The following SLC12A2 variants were observed in gnomAD, a reference collection of about 807,000 sequenced individuals.
SLC12A2 encodes Na-K-2Cl cotransporter 1.
Under a neutral mutation model 136.3 loss-of-function variants are expected in SLC12A2, and 67 were observed. That is an observed-to-expected ratio of 0.49 (90% CI 0.40 to 0.60). The LOEUF is 0.60. SLC12A2 is among the 20% of genes least tolerant of loss of function. The pLI is 0.00. For missense variants in SLC12A2, 1,322 were observed against 1,534.7 expected (o/e 0.86, Z 2.32); for synonymous variants, 619 against 562.9 (o/e 1.10, Z -1.41).
chr5:128,158,818 G>A lies in SLC12A2; in HGVS notation c.2475+654G>A, dbSNP rs544282910. Among the ~76,000 whole-genome samples, 8 of 151,226 alleles carry A rather than the reference G, an allele frequency of 5.3e-5. No individual in the cohort carries two copies. The South Asian group carries it at 1.5e-3, about 28-fold the overall frequency. ...GCTGAAGTAATTTACATTCCCACCA[G>A]CAGTGTATAAGTGTTTTCTTTTCTC... On this transcript the variant is annotated intron_variant, in intron 16 of 26. Transcript: ENST00000262461.
At chr5:128,140,441 C>G (rs1464574826) in intron 9 of SLC12A2, among the ~76,000 whole-genome samples, 1 of 152,138 alleles carries the variant, frequency 6.6e-6, no homozygotes, top group Non-Finnish European at 1.5e-5. Context: ...TAGCATGCTT[C>G]TATACATTAT....
At chr5:128,090,506 T>C (rs112378061) in intron 1 of SLC12A2, among the ~76,000 whole-genome samples, 2,091 of 152,330 alleles carry the variant, frequency 0.014, 54 homozygotes, top group African/African-American at 0.048. Context: ...CAAATCCTTG[T>C]TGAACATCAA....
chr5:128,127,281 CCA>C (rs1761848721), intron 4 of SLC12A2, among the ~76,000 whole-genome samples: 1 of 151,518 alleles, frequency 6.6e-6, no homozygotes, highest in Admixed American at 6.6e-5. Context: ...GCCACCACGC[CCA>C]GCTAATTTTT....
Position 128,134,191 on chromosome 5 carries a change from A to T in SLC12A2, c.1215A>T (p.Glu405Asp), listed in dbSNP as rs375266186. The T allele has an allele frequency of 1.9e-6, 3 of 1,593,478 alleles. No homozygotes were observed. Among genetic ancestry groups the T allele is most frequent in the Non-Finnish European group, 2.6e-6 (3 of 1,162,060 alleles). Residue 405 changes from glutamate (E) to aspartate (D), a missense_variant, in exon 6 of 27, where the codon GAA (glutamate) becomes GAT (aspartate). Physicochemically the swap from Glu to Asp is conservative, Grantham distance 45. Transcript: ENST00000262461. The part of the protein sequence containing the change: ...LKEHSILMID[E>D]INDIRIIGAI... ...AACATTCCATACTTATGATAGATGA[A>T]ATCAATGATATCCGAATTATTGGAG... is the stretch of plus-strand genomic sequence containing the variant.
chr5:128,183,829 T>C (rs1763784066), intron 24 of SLC12A2, among the ~76,000 whole-genome samples: 1 of 152,008 alleles, frequency 6.6e-6, no homozygotes, highest in Admixed American at 6.6e-5. Flanking sequence ...GTAAAATTTA[T>C]TTAGGCTGAG....
intron 2 of SLC12A2, among the ~76,000 whole-genome samples, chr5:128,113,599 T>C (rs1484017347): frequency 6.6e-6 from 1 of 152,190 alleles, no homozygotes; most frequent in Non-Finnish European, 1.5e-5. Context: ...CTAGTATTAA[T>C]TTTATTGCCT....
chr5:128,150,130 TATCATTTTTGATTGCAAA>T, intron 13 of SLC12A2, 32 bp downstream of exon 13: 1 of 1,345,590 alleles, frequency 7.4e-7, no homozygotes, highest in Non-Finnish European at 1.1e-6. Flanking sequence ...AGTTTGTAAA[TATCATTTTTGATTGCAAA>T]GAAAATAAAA....
At position 128,151,295 on chromosome 5, in the gene SLC12A2, T is replaced by G. The variant is rs1762692495; in HGVS notation, c.2162T>G (p.Ile721Ser). ...YNMWISLLGA[I>S]LCCIVMFVIN... ...ATGTGGATATCACTTCTTGGAGCAA[T>G]TCTTTGTTGCATAGTAATGTTCGTC... The change falls in exon 14 of 27, where the codon ATT becomes AGT. Residue 721 changes from isoleucine to serine, a missense_variant. Around this residue, in one of 8 missense-constraint regions of SLC12A2, gnomAD observed 294 missense variants for 436.6 expected, o/e 0.67. Transcript: ENST00000262461. 1 of 1,612,466 alleles carries G rather than the reference T, an allele frequency of 6.2e-7. No individual in the cohort carries two copies. Among genetic ancestry groups the G allele is most frequent in the East Asian group, 2.2e-5 (1 of 44,776 alleles).
In SLC12A2 at chr5:128,084,260, G is replaced by A; in HGVS notation, c.306G>A (p.Ala102=). The A allele has an allele frequency of 4.8e-6, 6 of 1,238,480 alleles. No individual in the cohort carries two copies. Among genetic ancestry groups the A allele is most frequent in the South Asian group, 3.2e-5 (1 of 31,286 alleles). The allele number at this position is 1,238,480 out of a possible 1,614,324, so 76.7% of individuals were successfully genotyped here. A position where few individuals can be genotyped will look rare whatever the true frequency, so the allele number is the denominator to read the frequency against. The stretch of plus-strand genomic sequence containing the variant: ...CTGCTGCGGCGGCGGCGGCGGCGGC[G>A]GCAGCGGCGGCGGCTGGTGCTGGGG... ...RAAAAAAAAA[A]AAAAAGAGAG... Residue 102 remains alanine, a synonymous_variant, in exon 1 of 27, where the codon GCG becomes GCA. Coordinates refer to ENST00000262461, the MANE Select transcript of SLC12A2 (RefSeq NM_001046.3). This position sits in a 1 kb window ranked among gnomAD's most constrained non-coding sequence, Gnocchi z 5.6.
intron 12 of SLC12A2, among the ~76,000 whole-genome samples, chr5:128,149,330 A>G (rs1039058869): frequency 6.6e-6 from 1 of 151,866 alleles, no homozygotes; most frequent in Non-Finnish European, 1.5e-5. Context: ...TTGTGGGACT[A>G]TGTGGAAACT....
chr5:128,135,684 A>G lies in SLC12A2; in HGVS notation c.1300-16A>G, dbSNP rs369460358. On this transcript the variant is annotated splice_polypyrimidine_tract_variant and intron_variant, in intron 6 of 26. Coordinates refer to ENST00000262461, the MANE Select transcript of SLC12A2 (RefSeq NM_001046.3). ...ACAAGATACTTGATTTTAATTTTTAATGTTTAAAATTGCAGGCTCAGATTG... is the reference window on the plus strand; with the variant it reads ...ACAAGATACTTGATTTTAATTTTTAGTGTTTAAAATTGCAGGCTCAGATTG... 513 of 1,458,742 alleles carry G rather than the reference A, an allele frequency of 3.5e-4. 3 individuals carry two copies. The highest frequency in any genetic ancestry group is 1.2e-3 in the Admixed American group (68 of 57,520). The allele number at this position is 1,458,742 out of a possible 1,614,324, so 90.4% of individuals were successfully genotyped here.
chr5:128,084,671 C>G lies in SLC12A2; in HGVS notation c.717C>G (p.Leu239=). 6.2e-7 allele frequency: 1 copy of G among 1,610,184 alleles called. No homozygotes were observed. The highest frequency in any genetic ancestry group is 8.5e-7 in the Non-Finnish European group (1 of 1,178,098). The change falls in exon 1 of 27, where the codon CTC becomes CTG. Residue 239 remains leucine (L), a synonymous_variant. Coordinates refer to ENST00000262461, the MANE Select transcript of SLC12A2 (RefSeq NM_001046.3). This position sits in a 1 kb window ranked among gnomAD's most constrained non-coding sequence, Gnocchi z 5.6. ...CCGCGCAGCTGGGCGAGAAGCTGCT[C>G]CGGCCTAGCCTGGCGGAGCTCCACG... is the stretch of plus-strand genomic sequence containing the variant. ...HTAAQLGEKL[L]RPSLAELHDE...
At chr5:128,181,019 C>A in intron 23 of SLC12A2, 25 bp downstream of exon 23, 1 of 1,327,476 alleles carries the variant, frequency 7.5e-7, no homozygotes, top group Non-Finnish European at 1.1e-6. Flanking sequence ...CATTGAAGGG[C>A]ATGAATCTAT....
chr5:128,185,327 T>C (rs776790678), intron 26 of SLC12A2, among the ~76,000 whole-genome samples: 1 of 152,142 alleles, frequency 6.6e-6, no homozygotes. Context: ...TACAGACACA[T>C]TGTCCTTGAG....
intron 5 of SLC12A2, among the ~76,000 whole-genome samples, chr5:128,131,630 G>T (rs1271897620): frequency 6.6e-6 from 1 of 152,112 alleles, no homozygotes; most frequent in Non-Finnish European, 1.5e-5. Flanking sequence ...TGTGAACCCA[G>T]GAGGTGGAGC....
chr5:128,189,443 ACATTCTTTTT>A lies in SLC12A2; in HGVS notation c.*2813_*2822del, dbSNP rs1350439903. 2.6e-5 allele frequency: 4 copies of A among 152,518 alleles called. No individual in the cohort carries two copies. The highest frequency in any genetic ancestry group is 5.9e-5 in the Non-Finnish European group (4 of 68,004). 9.4% of individuals were successfully genotyped at this position (152,518 alleles called of 1,614,324 possible). A position where few individuals can be genotyped will look rare whatever the true frequency, so the allele number is the denominator to read the frequency against. ...CCATTTGTATTTTAGGTTTCCTTTTACATTCTTTTTATATGCATTCTGACATTACATATTT... is the reference window on the plus strand; with the variant it reads ...CCATTTGTATTTTAGGTTTCCTTTTAATATGCATTCTGACATTACATATTT... On this transcript the variant is annotated 3_prime_UTR_variant, in exon 27 of 27. Transcript: ENST00000262461.
Position 128,152,788 on chromosome 5 carries a change from C to A in SLC12A2, c.2346C>A (p.Asp782Glu). 2 of 1,610,982 alleles carry A rather than the reference C, an allele frequency of 1.2e-6. No homozygotes were observed. Among genetic ancestry groups the A allele is most frequent in the African/African-American group, 1.3e-5 (1 of 74,940 alleles). ...CAATTCGTCTTTCTGGAGTGGAAGA[C>A]CACGTGAAAAACTTTAGGTAAGTGA... is the stretch of plus-strand genomic sequence containing the variant. ...QHSIRLSGVEDHVKNFRPQCL... is the reference protein window; with the variant it reads ...QHSIRLSGVEEHVKNFRPQCL... Residue 782 changes from aspartate (D) to glutamate (E), a missense_variant, in exon 15 of 27, where the codon GAC (aspartate) becomes GAA (glutamate). This residue lies in a region of SLC12A2 where 294 missense variants were observed against 436.6 expected (regional missense o/e 0.67). Transcript: ENST00000262461.
chr5:128,123,422 TACAAAATTTTC>T (rs976675052), intron 4 of SLC12A2, among the ~76,000 whole-genome samples: 1 of 152,212 alleles, frequency 6.6e-6, no homozygotes, highest in African/African-American at 2.4e-5. Flanking sequence ...ACTTTATTTT[TACAAAATTTTC>T]ACTTTCTATT....
At chr5:128,116,630 G>A (rs927617170) in intron 4 of SLC12A2, among the ~76,000 whole-genome samples, 1 of 151,992 alleles carries the variant, frequency 6.6e-6, no homozygotes, top group Non-Finnish European at 1.5e-5. Flanking sequence ...GTGTTCATAC[G>A]ATCAAGAAGG....
Sources: gnomAD v4.1 joint callset for allele counts (sites outside exome capture counted in the v4.1 genomes callset) on GRCh38, gnomAD v4.1.1 for gene constraint, gnomAD v4.1.1 regional missense constraint, Gnocchi (gnomAD v3.1) non-coding constraint, MANE v1.5 for transcripts, NCBI Gene and HGNC (gene_info 2026-07-23, HGNC 2026-07-21) for gene names.